Variants in DNAL1 observed in about 807,000 individuals in gnomAD.
The protein encoded by DNAL1 is dynein axonemal light chain 1, also known as chromosome 14 open reading frame 168.
A neutral mutation model predicts 29.4 loss-of-function variants in DNAL1; 17 were observed. The observed-to-expected ratio is 0.58, with a 90% CI of 0.40 to 0.87. The LOEUF is 0.87. Ranked by LOEUF, DNAL1 falls within the 40% of genes least tolerant of loss-of-function variation. DNAL1 has a pLI of 0.00. For missense variants in DNAL1, 188 were observed against 214.1 expected, an observed-to-expected ratio of 0.88 and a Z score of 0.76; for synonymous variants, 78 against 76.3, an observed-to-expected ratio of 1.02 and a Z score of -0.12.
intron 5 of DNAL1, among the ~76,000 whole-genome samples, chr14:73,683,060 G>A (rs1489965858): frequency 6.6e-6 from 1 of 151,740 alleles, no homozygotes; most frequent in Non-Finnish European, 1.5e-5. Flanking sequence ...ATTTTTAGTA[G>A]AGACAGGGTT....
chr14:73,701,516 C>T lies in DNAL1; in HGVS notation c.*5574C>T, dbSNP rs377423743. ...TCTCCTACTCAGAATAGAAGCTTTG[C>T]GAATTATCATTCCCACCTCTAGATT... On this transcript the variant is annotated 3_prime_UTR_variant, in exon 8 of 8. Transcript: ENST00000553645. 2 of 152,226 alleles carry T rather than the reference C, an allele frequency of 1.3e-5. No individual in the cohort carries two copies. Among genetic ancestry groups the T allele is most frequent in the South Asian group, 2.1e-4 (1 of 4,834 alleles). 9.4% of individuals were successfully genotyped at this position (152,226 alleles called of 1,614,324 possible).
At position 73,654,830 on chromosome 14, in the gene DNAL1, T is replaced by C; in HGVS notation, c.4-17T>C. ...CAACTTTGTTTTTTCTTTTCTTTCT[T>C]TTTTTTTTTTTTAAAGGCGAAAGCA... On this transcript the variant is annotated splice_polypyrimidine_tract_variant and intron_variant, in intron 1 of 7. Transcript: ENST00000553645. 1.1e-6 allele frequency: 1 copy of C among 872,354 alleles called. No homozygotes were observed. The highest frequency in any genetic ancestry group is 2.4e-5 in the South Asian group (1 of 41,618). 54.0% of individuals were successfully genotyped at this position (872,354 alleles called of 1,614,324 possible). A position where few individuals can be genotyped will look rare whatever the true frequency, so the allele number is the denominator to read the frequency against.
Position 73,680,392 on chromosome 14 carries a change from A to T in DNAL1, c.265-6867A>T, listed in dbSNP as rs544408390. On this transcript the variant is annotated intron_variant, in intron 5 of 7. Coordinates refer to ENST00000553645, the MANE Select transcript of DNAL1 (RefSeq NM_031427.4). ...TGATTTGGAGAGAAGTTATAGCTTT[A>T]TAATAATGAATCTTATGAGAAGACG... Among the ~76,000 whole-genome samples the T allele has an allele frequency of 3.1e-3, 465 of 152,322 alleles. 4 individuals carry two copies. Among genetic ancestry groups the T allele is most frequent in the African/African-American group, 0.011 (447 of 41,586 alleles).
intron 6 of DNAL1, among the ~76,000 whole-genome samples, chr14:73,689,026 G>GTTTTTTTTTTTTTTTTTTTTTTTTTTTTT (rs71112794): frequency 1.1e-5 from 1 of 92,248 alleles, no homozygotes. Flanking sequence ...AAAACTTGCT[G>GTTTTTTTTTTTTTTTTTTTTTTTTTTTTT]TTTTTTTTTT....
In DNAL1 at chr14:73,662,242, A is replaced by G. The variant is rs45508195; in HGVS notation, c.208+200A>G. On this transcript the variant is annotated intron_variant, in intron 4 of 7. Coordinates refer to ENST00000553645, the MANE Select transcript of DNAL1 (RefSeq NM_031427.4). ...CATGAGCTCTGAACGTTTTAAAGAC[A>G]TTTAAAAGCTTTTATAGAGTTAGAA... is the stretch of plus-strand genomic sequence containing the variant. Among the ~76,000 whole-genome samples, 40,310 of 152,194 alleles carry G rather than the reference A, an allele frequency of 0.26. 5,869 individuals carry two copies. Among genetic ancestry groups the G allele is most frequent in the Non-Finnish European group, 0.33 (22,699 of 67,988 alleles).
At chr14:73,649,979 T>A (rs1277330690) in intron 1 of DNAL1, among the ~76,000 whole-genome samples, 1 of 152,086 alleles carries the variant, frequency 6.6e-6, no homozygotes, top group Non-Finnish European at 1.5e-5. Flanking sequence ...ATACTGTATT[T>A]TTGTTTTGTT....
At chr14:73,665,002 C>T (rs115267653) in intron 4 of DNAL1, among the ~76,000 whole-genome samples, 5,312 of 152,068 alleles carry the variant, frequency 0.035, 337 homozygotes, top group African/African-American at 0.12. Flanking sequence ...TAATAATTAC[C>T]TATCATATAA....
chr14:73,672,359 A>G (rs1435803549), intron 5 of DNAL1, among the ~76,000 whole-genome samples: 2 of 152,144 alleles, frequency 1.3e-5, no homozygotes, highest in Admixed American at 6.5e-5. Flanking sequence ...TAATCCCAGC[A>G]CTTTGGGAGG....
At chr14:73,663,292 G>A (rs917012998) in intron 4 of DNAL1, among the ~76,000 whole-genome samples, 1 of 139,602 alleles carries the variant, frequency 7.2e-6, no homozygotes, top group Non-Finnish European at 1.5e-5. Context: ...TACAACCTCC[G>A]CCTCCTAGGT....
intron 5 of DNAL1, among the ~76,000 whole-genome samples, chr14:73,685,259 C>T (rs77766862): frequency 0.015 from 2,251 of 152,296 alleles, 43 homozygotes; most frequent in South Asian, 0.11. Context: ...TGTAAGCATA[C>T]AGTAGCTTCC....
intron 4 of DNAL1, among the ~76,000 whole-genome samples, chr14:73,669,861 T>C (rs555200335): frequency 6.6e-6 from 1 of 152,304 alleles, no homozygotes; most frequent in Non-Finnish European, 1.5e-5. Context: ...AACAGTTAAA[T>C]CATTTTGTGT....
chr14:73,676,964 T>C (rs1473674243), intron 5 of DNAL1, among the ~76,000 whole-genome samples: 1 of 49,970 alleles, frequency 2.0e-5, no homozygotes, highest in Non-Finnish European at 5.8e-5. Context: ...GTAGTATTCA[T>C]TTTTTTTTTT....
At chr14:73,655,990 G>T (rs939679294) in intron 2 of DNAL1, among the ~76,000 whole-genome samples, 2 of 152,142 alleles carry the variant, frequency 1.3e-5, no homozygotes, top group East Asian at 1.9e-4. Context: ...CTGAATTTCT[G>T]TGCCCATAAA....
intron 1 of DNAL1, among the ~76,000 whole-genome samples, chr14:73,651,744 C>T (rs1320241947): frequency 6.6e-6 from 1 of 152,148 alleles, no homozygotes; most frequent in Non-Finnish European, 1.5e-5. Flanking sequence ...GCAACCTCCA[C>T]CTCCTGGATT....
At chr14:73,695,707 T>G (rs1356163502) in intron 7 of DNAL1, among the ~76,000 whole-genome samples, 195 bp from the exon 8 acceptor site, 2 of 152,092 alleles carry the variant, frequency 1.3e-5, no homozygotes, top group Non-Finnish European at 2.9e-5. Context: ...TTTTTGTATT[T>G]TTATAGAGAC....
At chr14:73,662,094 A>G in intron 4 of DNAL1, 52 bp downstream of exon 4, 2 of 1,444,638 alleles carry the variant, frequency 1.4e-6, no homozygotes, top group Non-Finnish European at 1.9e-6. Flanking sequence ...TTATTTTAAT[A>G]AACATTCCGG....
Position 73,698,170 on chromosome 14 carries a change from CTT to C in DNAL1, c.*2231_*2232del, listed in dbSNP as rs1892346945. 6.6e-6 allele frequency: 1 copy of C among 152,156 alleles called. No homozygotes were observed. The highest frequency in any genetic ancestry group is 1.5e-5 in the Non-Finnish European group (1 of 68,040). 9.4% of individuals were successfully genotyped at this position (152,156 alleles called of 1,614,324 possible). On this transcript the variant is annotated 3_prime_UTR_variant, in exon 8 of 8. Coordinates refer to ENST00000553645, the MANE Select transcript of DNAL1 (RefSeq NM_031427.4). ...TCTCTTTCTCCTTGTTTCTCAATGA[CTT>C]TTAATTACAGGTAGTTCTCAGACAA...
chr14:73,687,370 C>T lies in DNAL1; in HGVS notation c.376C>T (p.Leu126=). 1 of 1,602,974 alleles carries T rather than the reference C, an allele frequency of 6.2e-7. No homozygotes were observed. Residue 126 remains leucine (L), a synonymous_variant, in exon 6 of 8, where the codon CTG becomes TTG. Coordinates refer to ENST00000553645, the MANE Select transcript of DNAL1 (RefSeq NM_031427.4). ...KLKILYMSNN[L]VKDWAEFVKL... ...GAAGATTCTCTACATGTCTAATAAC[C>T]TGGTAAAAGACTGGGGTAAGCTGAG...
At chr14:73,681,605 C>CA (rs71112792) in intron 5 of DNAL1, among the ~76,000 whole-genome samples, 28 of 52,862 alleles carry the variant, frequency 5.3e-4, no homozygotes, top group Non-Finnish European at 6.8e-4. Flanking sequence ...CCATCTCTAC[C>CA]AAAAAAAAAA....
Sources: gnomAD v4.1 joint callset for allele counts (sites outside exome capture counted in the v4.1 genomes callset) on GRCh38, gnomAD v4.1.1 for gene constraint, MANE v1.5 for transcripts, NCBI Gene and HGNC (gene_info 2026-07-23, HGNC 2026-07-21) for gene names.